The following PAN3 variants were observed in gnomAD, a reference collection of about 807,000 sequenced individuals.
The protein encoded by PAN3 is poly(A) specific ribonuclease subunit PAN3, also known as PAN2-PAN3 deadenylation complex subunit PAN3.
A neutral mutation model predicts 96.2 loss-of-function variants in PAN3; 19 were observed. The observed-to-expected ratio is 0.20, with a 90% CI of 0.14 to 0.29. PAN3 has a LOEUF of 0.29. PAN3 is among the 10% of genes least tolerant of loss of function. PAN3 has a pLI of 1.00. For missense variants in PAN3, 882 were observed against 1,108.1 expected (o/e 0.80, Z 2.90); for synonymous variants, 433 against 406.6 (o/e 1.06, Z -0.78).
At chr13:28,210,412 T>G (rs550350348) in intron 5 of PAN3, among the ~76,000 whole-genome samples, 3 of 152,202 alleles carry the variant, frequency 2.0e-5, no homozygotes, top group Non-Finnish European at 4.4e-5. Flanking sequence ...AGAAGAATGC[T>G]AATATGAATC....
chr13:28,245,291 A>C (rs1300655875), intron 6 of PAN3, among the ~76,000 whole-genome samples: 3 of 152,122 alleles, frequency 2.0e-5, no homozygotes, highest in East Asian at 3.9e-4. Flanking sequence ...TTCTGTCAGT[A>C]GGTTTTTATG....
intron 6 of PAN3, among the ~76,000 whole-genome samples, chr13:28,223,514 A>T (rs1364120854): frequency 6.6e-6 from 1 of 151,570 alleles, no homozygotes; most frequent in Non-Finnish European, 1.5e-5. Flanking sequence ...TTATTCTCTC[A>T]GAGGTTCACA....
rs562536836 is a variant in PAN3 at position 28,195,505 on chromosome 13, G to GT, written c.691-1671dup. On this transcript the variant is annotated intron_variant, in intron 4 of 18. Transcript: ENST00000380958. ...TGCAAGTTTAGTTATTTTTGTCCTT[G>GT]TTTTTTTTTGTTATTGTTGTTTTTT... Among the ~76,000 whole-genome samples the GT allele has an allele frequency of 3.2e-4, 48 of 151,266 alleles. 1 individual carries two copies. Among genetic ancestry groups the GT allele is most frequent in the South Asian group, 4.2e-4 (2 of 4,770 alleles).
rs578133239 is a variant in PAN3 at position 28,169,811 on chromosome 13, G to T, written c.431-4461G>T. Among the ~76,000 whole-genome samples, 7 of 152,100 alleles carry T rather than the reference G, an allele frequency of 4.6e-5. No homozygotes were observed. The South Asian group carries it at 1.5e-3, about 32-fold the overall frequency. ...CGCCTGTAATCCCAGCACTTTGGGA[G>T]GCTGAGGCGGGTGGATCATGAGGTC... On this transcript the variant is annotated intron_variant, in intron 1 of 18. Transcript: ENST00000380958.
At chr13:28,222,702 G>A (rs529872971) in intron 6 of PAN3, among the ~76,000 whole-genome samples, 33 of 152,190 alleles carry the variant, frequency 2.2e-4, no homozygotes, top group African/African-American at 7.5e-4. Flanking sequence ...GACATTTGCC[G>A]TGTAAGGTTA....
Position 28,293,387 on chromosome 13 carries a change from G to GTTTTTTTTTTTTTTTTTTTT in PAN3, c.*875_*894dup, listed in dbSNP as rs71086844. 2 of 21,354 alleles carry GTTTTTTTTTTTTTTTTTTTT rather than the reference G, an allele frequency of 9.4e-5. No homozygotes were observed. Among genetic ancestry groups the GTTTTTTTTTTTTTTTTTTTT allele is most frequent in the African/African-American group, 4.0e-4 (2 of 4,968 alleles). The allele number at this position is 21,354 out of a possible 1,614,324, so 1.3% of individuals were successfully genotyped here. A position where few individuals can be genotyped will look rare whatever the true frequency, so the allele number is the denominator to read the frequency against. On this transcript the variant is annotated 3_prime_UTR_variant, in exon 19 of 19. Coordinates refer to ENST00000380958, the MANE Select transcript of PAN3 (RefSeq NM_175854.8). ...ACTTTAGGTTCTTTCCAGTTTGCTG[G>GTTTTTTTTTTTTTTTTTTTT]TTTTTTTTTTTTTTTTTTTTTTTTT...
chr13:28,242,138 C>T (rs1205741478), intron 6 of PAN3, among the ~76,000 whole-genome samples: 2 of 152,198 alleles, frequency 1.3e-5, no homozygotes, highest in Non-Finnish European at 2.9e-5. Context: ...CTCTATTTCT[C>T]TCGTAGTGTC....
intron 6 of PAN3, among the ~76,000 whole-genome samples, chr13:28,244,373 A>C (rs1883973708): frequency 6.6e-6 from 1 of 152,192 alleles, no homozygotes; most frequent in Non-Finnish European, 1.5e-5. Flanking sequence ...TGTGAAATTT[A>C]TGTGGGTGTA....
rs1300443835 is a variant in PAN3, at chr13:28,258,061, C to T, written c.1248+1522C>T. On this transcript the variant is annotated intron_variant, in intron 7 of 18. Coordinates refer to ENST00000380958, the MANE Select transcript of PAN3 (RefSeq NM_175854.8). ...CTCAAATTCTTGACCTCAAATGATC[C>T]GCCCACCTTGGCCTCTGAAGTGCCG... 3.9e-5 allele frequency among the ~76,000 whole-genome samples: 6 copies of T among 151,918 alleles called. No homozygotes were observed. In the South Asian group the frequency reaches 6.2e-4, roughly 16 times the overall value.
At chr13:28,264,659 G>A (rs554401718) in intron 9 of PAN3, among the ~76,000 whole-genome samples, 4 of 152,230 alleles carry the variant, frequency 2.6e-5, no homozygotes, top group South Asian at 4.1e-4. Context: ...CATAGCAAAC[G>A]AGTGCCTACT....
chr13:28,166,105 A>G (rs774910672), intron 1 of PAN3, among the ~76,000 whole-genome samples: 2 of 152,210 alleles, frequency 1.3e-5, no homozygotes, highest in Non-Finnish European at 2.9e-5. Flanking sequence ...TCCAGCACCA[A>G]TTCAAAAGTC....
intron 15 of PAN3, among the ~76,000 whole-genome samples, chr13:28,279,242 G>A (rs919218640): frequency 6.6e-6 from 1 of 152,086 alleles, no homozygotes; most frequent in African/African-American, 2.4e-5. Flanking sequence ...AATTTAACTG[G>A]TTCCTTCTGC....
chr13:28,151,340 C>A (rs1213914535), intron 1 of PAN3, among the ~76,000 whole-genome samples: 1 of 151,910 alleles, frequency 6.6e-6, no homozygotes, highest in African/African-American at 2.4e-5. Flanking sequence ...ACGGTGAAAC[C>A]CCATCTCTAC....
At position 28,208,538 on chromosome 13, in the gene PAN3, T is replaced by G. The variant is rs140929287; in HGVS notation, c.852+11192T>G. 6.0e-3 allele frequency among the ~76,000 whole-genome samples: 910 copies of G among 152,114 alleles called. 4 individuals carry two copies. Among genetic ancestry groups the G allele is most frequent in the African/African-American group, 0.018 (753 of 41,520 alleles). On this transcript the variant is annotated intron_variant, in intron 5 of 18. Transcript: ENST00000380958. ...CTATAAGTGTTTCAGATTTTTTTTT[T>G]GGGGGGTATGTTTGAATCCATTTAG...
chr13:28,173,862 G>A (rs1007972557), intron 1 of PAN3, among the ~76,000 whole-genome samples: 1 of 152,106 alleles, frequency 6.6e-6, no homozygotes, highest in African/African-American at 2.4e-5. Flanking sequence ...TGAGTCTGCT[G>A]GTTTGTTTCA....
intron 4 of PAN3, among the ~76,000 whole-genome samples, chr13:28,186,578 CTT>C (rs1198691683): frequency 6.6e-5 from 10 of 152,188 alleles, no homozygotes; most frequent in African/African-American, 2.4e-4. Context: ...TACAAGACGA[CTT>C]TTCATTATTT....
chr13:28,183,227 T>TA (rs1221054075), intron 4 of PAN3, among the ~76,000 whole-genome samples: 1 of 152,206 alleles, frequency 6.6e-6, no homozygotes, highest in Non-Finnish European at 1.5e-5. Context: ...GATTGTAATC[T>TA]AAATTTAATC....
chr13:28,229,164 T>C (rs1488667778), intron 6 of PAN3, among the ~76,000 whole-genome samples: 2 of 152,208 alleles, frequency 1.3e-5, no homozygotes, highest in East Asian at 3.8e-4. Context: ...CCCAGCCTCC[T>C]TTAGAAGCAA....
At chr13:28,221,226 C>T (rs372179017) in intron 6 of PAN3, among the ~76,000 whole-genome samples, 17 of 152,178 alleles carry the variant, frequency 1.1e-4, no homozygotes, top group African/African-American at 3.9e-4. Flanking sequence ...TGCACAATCA[C>T]ATTGAATTCA....
Sources: allele counts gnomAD v4.1 joint callset (sites outside exome capture counted in the v4.1 genomes callset), GRCh38; gene constraint gnomAD v4.1.1; transcripts MANE v1.5; gene names NCBI Gene and HGNC (gene_info 2026-07-23, HGNC 2026-07-21).